Variants in UMAD1 observed in about 807,000 individuals in gnomAD.
UMAD1 encodes UBAP1-MVB12-associated (UMA)-domain containing protein 1.
Under a neutral mutation model 6.1 loss-of-function variants are expected in UMAD1, and 8 were observed. That is an observed-to-expected ratio of 1.30 (90% CI 0.76 to 2.35). The LOEUF (loss-of-function observed/expected upper bound fraction) is 2.35, where lower values mean the gene tolerates loss of function less well. Ranked by LOEUF, UMAD1 falls within the 30% of genes most tolerant of loss-of-function variation. The pLI is 0.00. For synonymous variants in UMAD1, 56 were observed against 31.4 expected, an observed-to-expected ratio of 1.78 and a Z score of -2.61; for missense variants, 130 against 78.4, an observed-to-expected ratio of 1.66 and a Z score of -2.49.
intron 1 of UMAD1, among the ~76,000 whole-genome samples, chr7:7,666,207 T>C (rs1779451776): frequency 6.6e-6 from 1 of 152,074 alleles, no homozygotes; most frequent in Admixed American, 6.5e-5. Context: ...TTTGTTTGTT[T>C]GTTTGTTTTT....
intron 2 of UMAD1, among the ~76,000 whole-genome samples, chr7:7,727,547 A>T (rs559705897): frequency 2.0e-5 from 3 of 152,190 alleles, no homozygotes. Context: ...CATGCAGAGT[A>T]ATAATCCTGG....
intron 2 of UMAD1, among the ~76,000 whole-genome samples, chr7:7,799,595 A>G (rs1451022758): frequency 6.6e-6 from 1 of 152,232 alleles, no homozygotes; most frequent in Non-Finnish European, 1.5e-5. Flanking sequence ...AGGACTTTTT[A>G]TAGTGCGTTA....
chr7:7,657,787 C>A (rs1351537757), intron 1 of UMAD1, among the ~76,000 whole-genome samples: 1 of 152,234 alleles, frequency 6.6e-6, no homozygotes, highest in Middle Eastern at 3.4e-3. Context: ...ATTATCTTGG[C>A]TATGTGGGCT....
At chr7:7,780,129 C>T (rs931363153) in intron 2 of UMAD1, among the ~76,000 whole-genome samples, 2 of 152,234 alleles carry the variant, frequency 1.3e-5, no homozygotes, top group African/African-American at 2.4e-5. Flanking sequence ...TCTGTTGACT[C>T]TTTGCTTTCA....
intron 2 of UMAD1, among the ~76,000 whole-genome samples, chr7:7,760,905 T>A (rs1211553278): frequency 1.3e-5 from 2 of 152,164 alleles, no homozygotes; most frequent in Non-Finnish European, 2.9e-5. Flanking sequence ...GCTTGTGGGA[T>A]GGACTGAAGT....
At chr7:7,829,755 C>A (rs1007934612) in intron 3 of UMAD1, among the ~76,000 whole-genome samples, 2 of 152,110 alleles carry the variant, frequency 1.3e-5, no homozygotes. Context: ...ATTTTGTTGT[C>A]ACCAAACCTA....
intron 2 of UMAD1, among the ~76,000 whole-genome samples, chr7:7,709,723 A>G (rs1055771670): frequency 1.3e-5 from 2 of 152,226 alleles, no homozygotes; most frequent in African/African-American, 4.8e-5. Flanking sequence ...ACATCTTACC[A>G]GCTATTATTC....
chr7:7,763,962 T>C (rs1416551995), intron 2 of UMAD1, among the ~76,000 whole-genome samples: 1 of 152,172 alleles, frequency 6.6e-6, no homozygotes, highest in Non-Finnish European at 1.5e-5. Context: ...GCATCTCAAA[T>C]AGCAGTAGAA....
In UMAD1 at chr7:7,694,643, A is replaced by G. The variant is rs28914169; in HGVS notation, c.82+21190A>G. 2.2e-3 allele frequency among the ~76,000 whole-genome samples: 337 copies of G among 150,950 alleles called. 1 individual carries two copies. Among genetic ancestry groups the G allele is most frequent in the Non-Finnish European group, 2.5e-3 (169 of 67,906 alleles). On this transcript the variant is annotated intron_variant, in intron 2 of 3. Coordinates refer to ENST00000682710, the MANE Select transcript of UMAD1 (RefSeq NM_001302348.2). The stretch of plus-strand genomic sequence containing the variant: ...AAATGAGTGAGAATATGTGAAGTTT[A>G]TCTCTCTCTGCCTGACTTATTTCAC...
At chr7:7,866,825 T>C (rs1009253395) in intron 3 of UMAD1, among the ~76,000 whole-genome samples, 1 of 152,186 alleles carries the variant, frequency 6.6e-6, no homozygotes, top group Non-Finnish European at 1.5e-5. Context: ...GTGTTTTATA[T>C]GCTACAAGTG....
intron 2 of UMAD1, among the ~76,000 whole-genome samples, chr7:7,724,793 C>G (rs1485290875): frequency 1.3e-5 from 2 of 152,208 alleles, no homozygotes; most frequent in Non-Finnish European, 2.9e-5. Context: ...TGGCAAATGC[C>G]CTTTTCTCCA....
chr7:7,670,717 C>A (rs1779585559), intron 1 of UMAD1, among the ~76,000 whole-genome samples: 1 of 152,200 alleles, frequency 6.6e-6, no homozygotes, highest in Non-Finnish European at 1.5e-5. Flanking sequence ...ACTAAAAAGA[C>A]AAGTAATCTG....
intron 2 of UMAD1, among the ~76,000 whole-genome samples, chr7:7,690,074 C>T (rs897888687): frequency 1.2e-4 from 18 of 152,068 alleles, no homozygotes; most frequent in African/African-American, 3.4e-4. Flanking sequence ...ATTATATTTT[C>T]CCACCCATTT....
At chr7:7,729,596 G>C (rs927867580) in intron 2 of UMAD1, among the ~76,000 whole-genome samples, 1 of 151,990 alleles carries the variant, frequency 6.6e-6, no homozygotes, top group Non-Finnish European at 1.5e-5. Context: ...TACTCACTCT[G>C]GATTGTTCCC....
At chr7:7,835,288 A>G (rs1487524071) in intron 3 of UMAD1, among the ~76,000 whole-genome samples, 1 of 151,594 alleles carries the variant, frequency 6.6e-6, no homozygotes, top group Non-Finnish European at 1.5e-5. Flanking sequence ...AAATTCCATT[A>G]TAGGTTTTAT....
intron 3 of UMAD1, among the ~76,000 whole-genome samples, chr7:7,832,352 A>G (rs1381014172): frequency 6.6e-6 from 1 of 151,904 alleles, no homozygotes; most frequent in Non-Finnish European, 1.5e-5. Context: ...TGAAAATTCC[A>G]TTTCCTTTCT....
chr7:7,677,184 G>A (rs1779762304), intron 2 of UMAD1, among the ~76,000 whole-genome samples: 1 of 152,050 alleles, frequency 6.6e-6, no homozygotes, highest in South Asian at 2.1e-4. Context: ...CATATAATGT[G>A]TAGTGATCAA....
intron 3 of UMAD1, among the ~76,000 whole-genome samples, chr7:7,806,493 T>C (rs1221259050): frequency 6.6e-6 from 1 of 152,206 alleles, no homozygotes; most frequent in East Asian, 1.9e-4. Flanking sequence ...CTGTTAGACA[T>C]ATGTGATGTA....
chr7:7,740,431 A>G (rs1419539516), intron 2 of UMAD1, among the ~76,000 whole-genome samples: 1 of 152,252 alleles, frequency 6.6e-6, no homozygotes, highest in Non-Finnish European at 1.5e-5. Flanking sequence ...TCAAACTGTT[A>G]TAATTTTAGC....
Sources: gnomAD v4.1 joint callset for allele counts (sites outside exome capture counted in the v4.1 genomes callset) on GRCh38, gnomAD v4.1.1 for gene constraint, MANE v1.5 for transcripts, NCBI Gene and HGNC (gene_info 2026-07-23, HGNC 2026-07-21) for gene names.